The following PPP2R3A variants were observed in gnomAD, a reference collection of about 807,000 sequenced individuals.
PPP2R3A encodes serine/threonine-protein phosphatase 2A regulatory subunit B'' subunit alpha.
PPP2R3A carries 80 observed loss-of-function variants against 106.9 expected under a neutral mutation model. The ratio of observed to expected loss-of-function variants is 0.75; its 90% CI spans 0.62 to 0.90. The LOEUF (loss-of-function observed/expected upper bound fraction) is 0.90. Ranked by LOEUF, PPP2R3A falls within the 40% of genes least tolerant of loss-of-function variation. The pLI, the probability that PPP2R3A is intolerant of heterozygous loss-of-function variation, is 0.00. For synonymous variants in PPP2R3A, 483 were observed against 468.3 expected (o/e 1.03, Z -0.41); for missense variants, 1,386 against 1,350.4 (o/e 1.03, Z -0.41).
intron 2 of PPP2R3A, chr3:136,023,264 T>C (rs1320601126): frequency 2.8e-6 from 4 of 1,416,750 alleles, no homozygotes; most frequent in Non-Finnish European, 3.9e-6. Context: ...TTTTTATTAC[T>C]AATAAAACCA....
chr3:136,061,695 T>C (rs1293720710), intron 5 of PPP2R3A, among the ~76,000 whole-genome samples: 5 of 151,640 alleles, frequency 3.3e-5, no homozygotes, highest in African/African-American at 4.9e-5. Context: ...CTGAGGCAGG[T>C]GGCTCACGAG....
intron 2 of PPP2R3A, among the ~76,000 whole-genome samples, chr3:136,013,237 T>G (rs1269165249): frequency 6.6e-6 from 1 of 151,984 alleles, no homozygotes; most frequent in African/African-American, 2.4e-5. Flanking sequence ...TATCACATTT[T>G]GTTTATCCAC....
intron 1 of PPP2R3A, among the ~76,000 whole-genome samples, chr3:135,991,273 A>G (rs1452188261): frequency 2.0e-5 from 3 of 152,158 alleles, no homozygotes; most frequent in African/African-American, 7.2e-5. Context: ...GTTGTAAAAT[A>G]CATGTGTTCT....
At chr3:136,008,629 A>C (rs1221241711) in intron 2 of PPP2R3A, among the ~76,000 whole-genome samples, 1 of 152,212 alleles carries the variant, frequency 6.6e-6, no homozygotes, top group Non-Finnish European at 1.5e-5. Flanking sequence ...TGCAAGATGT[A>C]CCATTATGAT....
At chr3:136,023,179 T>C in intron 2 of PPP2R3A, 1 of 1,613,134 alleles carries the variant, frequency 6.2e-7, no homozygotes, top group South Asian at 1.1e-5. Flanking sequence ...AAGAAGCGGC[T>C]GAAGTCATTT....
intron 6 of PPP2R3A, among the ~76,000 whole-genome samples, chr3:136,071,395 C>T (rs1936425449): frequency 6.6e-6 from 1 of 152,214 alleles, no homozygotes; most frequent in African/African-American, 2.4e-5. Flanking sequence ...AGTGCTTTTG[C>T]ATTGGCTCTC....
intron 2 of PPP2R3A, among the ~76,000 whole-genome samples, chr3:136,026,120 G>T (rs1361407631): frequency 6.6e-6 from 1 of 152,054 alleles, no homozygotes; most frequent in Non-Finnish European, 1.5e-5. Flanking sequence ...AACTGTAAAT[G>T]AGTTATTAAA....
chr3:136,027,042 T>C lies in PPP2R3A; in HGVS notation c.2206T>C (p.Phe736Leu). The C allele has an allele frequency of 1.2e-6, 2 of 1,613,616 alleles. No individual in the cohort carries two copies. The highest frequency in any genetic ancestry group is 1.7e-6 in the Non-Finnish European group (2 of 1,179,622). The change falls in exon 3 of 14, where the codon TTC (phenylalanine) becomes CTC (leucine). Residue 736 changes from phenylalanine to leucine, a missense_variant. Coordinates refer to ENST00000264977, the MANE Select transcript of PPP2R3A (RefSeq NM_002718.5). ...AACTCTAAGCAGAATTGAAACTGCT[T>C]TCATGGATATTGAAGAACAGAAAGC... ...EQTLSRIETA[F>L]MDIEEQKADI...
At chr3:136,037,889 A>G (rs1193835840) in intron 3 of PPP2R3A, among the ~76,000 whole-genome samples, 1 of 151,852 alleles carries the variant, frequency 6.6e-6, no homozygotes, top group Non-Finnish European at 1.5e-5. Context: ...AGTTTCCTAA[A>G]TCTATTTTCT....
chr3:136,043,571 G>A (rs1231229758), intron 4 of PPP2R3A, among the ~76,000 whole-genome samples: 1 of 152,088 alleles, frequency 6.6e-6, no homozygotes, highest in Non-Finnish European at 1.5e-5. Flanking sequence ...TCCCTGTGCC[G>A]CTGCCCATTT....
chr3:136,057,896 T>G (rs1475528187), intron 5 of PPP2R3A, among the ~76,000 whole-genome samples: 1 of 152,128 alleles, frequency 6.6e-6, no homozygotes, highest in African/African-American at 2.4e-5. Flanking sequence ...TGGAGTTTCC[T>G]CAAAAAATTA....
chr3:135,996,664 C>T (rs1488683152), intron 1 of PPP2R3A, among the ~76,000 whole-genome samples: 3 of 152,140 alleles, frequency 2.0e-5, no homozygotes, highest in Non-Finnish European at 4.4e-5. Context: ...TGTATTCTGG[C>T]CTTCACGAGA....
intron 13 of PPP2R3A, among the ~76,000 whole-genome samples, chr3:136,138,076 GAATT>G (rs1265983167): frequency 3.3e-5 from 5 of 152,102 alleles, no homozygotes; most frequent in Admixed American, 2.0e-4. Context: ...GGAATGACAT[GAATT>G]AATATTCTAA....
At chr3:136,117,108 G>A (rs180889662) in intron 13 of PPP2R3A, among the ~76,000 whole-genome samples, 115 of 152,264 alleles carry the variant, frequency 7.6e-4, no homozygotes, top group Non-Finnish European at 8.7e-4. Flanking sequence ...CAACTACATG[G>A]AAACTAAACA....
chr3:136,043,496 G>T (rs1208876077), intron 4 of PPP2R3A, among the ~76,000 whole-genome samples: 4 of 152,140 alleles, frequency 2.6e-5, no homozygotes, highest in Non-Finnish European at 1.5e-5. Flanking sequence ...TTTCTCTCAT[G>T]TCAGACTGCT....
chr3:135,973,265 T>C (rs1394896576), intron 1 of PPP2R3A, among the ~76,000 whole-genome samples: 2 of 152,190 alleles, frequency 1.3e-5, no homozygotes, highest in Non-Finnish European at 2.9e-5. Flanking sequence ...AAAGTTGTTG[T>C]AAGATTAAAT....
intron 2 of PPP2R3A, among the ~76,000 whole-genome samples, chr3:136,014,577 T>G (rs991450907): frequency 2.0e-5 from 3 of 152,028 alleles, no homozygotes; most frequent in Admixed American, 2.0e-4. Flanking sequence ...ATTTATTTTG[T>G]TTTTTTACAG....
At chr3:136,028,549 G>A (rs1934749055) in intron 3 of PPP2R3A, among the ~76,000 whole-genome samples, 1 of 152,198 alleles carries the variant, frequency 6.6e-6, no homozygotes, top group African/African-American at 2.4e-5. Context: ...GCACAGTGCT[G>A]TTTCTACATA....
At chr3:136,005,799 C>G (rs1270135945) in intron 2 of PPP2R3A, among the ~76,000 whole-genome samples, 1 of 152,130 alleles carries the variant, frequency 6.6e-6, no homozygotes, top group East Asian at 1.9e-4. Flanking sequence ...AAGGTATTAT[C>G]TCACTATTTT....
Sources: allele counts gnomAD v4.1 joint callset (sites outside exome capture counted in the v4.1 genomes callset), GRCh38; gene constraint gnomAD v4.1.1; transcripts MANE v1.5; gene names NCBI Gene and HGNC (gene_info 2026-07-23, HGNC 2026-07-21).